RBMS3: variants seen among roughly 807,000 people sequenced by gnomAD.
RBMS3 encodes the protein RNA-binding motif, single-stranded-interacting protein 3.
Under a neutral mutation model 66.8 loss-of-function variants are expected in RBMS3, and 27 were observed. That is an observed-to-expected ratio of 0.40 (90% CI 0.30 to 0.56). The LOEUF is 0.56. RBMS3 is among the 20% of genes least tolerant of loss of function. The pLI is 0.40. For synonymous variants in RBMS3, 188 were observed against 183.0 expected (o/e 1.03, Z -0.22); for missense variants, 513 against 549.5 (o/e 0.93, Z 0.66).
At chr3:29,625,226 T>C (rs1344933153) in intron 4 of RBMS3, among the ~76,000 whole-genome samples, 1 of 152,202 alleles carries the variant, frequency 6.6e-6, no homozygotes, top group African/African-American at 2.4e-5. Context: ...GAAAATGGAC[T>C]AATACAATTG....
chr3:29,739,472 A>G (rs1232142996), intron 4 of RBMS3, among the ~76,000 whole-genome samples: 6 of 151,594 alleles, frequency 4.0e-5, no homozygotes, highest in East Asian at 1.9e-4. Flanking sequence ...AAAAAAAAAA[A>G]AAAAGAAAAG....
chr3:29,359,036 C>A (rs1374730693), intron 1 of RBMS3, among the ~76,000 whole-genome samples: 2 of 152,086 alleles, frequency 1.3e-5, no homozygotes, highest in East Asian at 1.9e-4. Context: ...AATGCCCTTT[C>A]TTTCTTTCTC....
intron 4 of RBMS3, among the ~76,000 whole-genome samples, chr3:29,716,150 G>A (rs191979791): frequency 6.6e-6 from 1 of 152,086 alleles, no homozygotes; most frequent in Non-Finnish European, 1.5e-5. Flanking sequence ...GTATAAATTT[G>A]TACAAATTTA....
chr3:29,511,133 T>G (rs1298287343), intron 3 of RBMS3, among the ~76,000 whole-genome samples: 2 of 151,132 alleles, frequency 1.3e-5, no homozygotes, highest in Non-Finnish European at 2.9e-5. Context: ...CTGCCTCTAC[T>G]AAAAATACAA....
At chr3:29,435,951 G>C (rs1466154370) in intron 2 of RBMS3, among the ~76,000 whole-genome samples, 1 of 141,450 alleles carries the variant, frequency 7.1e-6, no homozygotes, top group Non-Finnish European at 1.5e-5. Context: ...TCCAGCTTGG[G>C]CAACAGAGCG....
chr3:29,565,663 A>G (rs936385294), intron 3 of RBMS3, among the ~76,000 whole-genome samples: 5 of 152,180 alleles, frequency 3.3e-5, no homozygotes, highest in African/African-American at 1.2e-4. Flanking sequence ...TATAGCATAA[A>G]TCTCTAGTTC....
At chr3:29,896,086 T>A (rs2060118518) in intron 8 of RBMS3, among the ~76,000 whole-genome samples, 1 of 151,482 alleles carries the variant, frequency 6.6e-6, no homozygotes, top group African/African-American at 2.4e-5. Flanking sequence ...AAGAGTATGA[T>A]CTTATCAAAT....
At chr3:29,369,610 G>T (rs1559524454) in intron 1 of RBMS3, among the ~76,000 whole-genome samples, 2 of 151,812 alleles carry the variant, frequency 1.3e-5, no homozygotes, top group Admixed American at 1.3e-4. Context: ...TGAAGTTTCA[G>T]CTAGTCTTGG....
At chr3:29,922,457 G>T (rs1159027002) in intron 10 of RBMS3, among the ~76,000 whole-genome samples, 1 of 138,756 alleles carries the variant, frequency 7.2e-6, no homozygotes, top group Non-Finnish European at 1.5e-5. Context: ...ACTGCAGTCC[G>T]CAGTCCGGCC....
At chr3:29,879,298 A>C (rs1407626704) in intron 7 of RBMS3, among the ~76,000 whole-genome samples, 2 of 152,182 alleles carry the variant, frequency 1.3e-5, no homozygotes, top group Non-Finnish European at 2.9e-5. Flanking sequence ...ATTTTACTTC[A>C]GTAGCAGTAC....
chr3:29,617,940 A>ATG (rs1177700392), intron 4 of RBMS3, among the ~76,000 whole-genome samples: 1 of 152,084 alleles, frequency 6.6e-6, no homozygotes, highest in African/African-American at 2.4e-5. Context: ...GCGTGTATGT[A>ATG]TGTGTGTGTG....
At chr3:29,740,442 C>G (rs747554239) in intron 5 of RBMS3, among the ~76,000 whole-genome samples, 5 of 151,092 alleles carry the variant, frequency 3.3e-5, no homozygotes, top group Admixed American at 6.6e-5. Flanking sequence ...TTAGGCAGAA[C>G]AGGGGAAAAA....
chr3:29,794,170 C>G (rs1447184012), intron 6 of RBMS3, among the ~76,000 whole-genome samples: 1 of 152,152 alleles, frequency 6.6e-6, no homozygotes, highest in Non-Finnish European at 1.5e-5. Flanking sequence ...TCAGGTATTT[C>G]TTTACAGTAA....
At position 29,654,761 on chromosome 3, in the gene RBMS3, TGC is replaced by T. The variant is rs112705591; in HGVS notation, c.399+67558_399+67559del. Among the ~76,000 whole-genome samples, 616 of 143,638 alleles carry T rather than the reference TGC, an allele frequency of 4.3e-3. 5 individuals are homozygous for T. The highest frequency in any genetic ancestry group is 0.014 in the African/African-American group (552 of 38,442). The allele number at this position is 143,638 out of a possible 152,430, so 94.2% of individuals were successfully genotyped here. A position where few individuals can be genotyped will look rare whatever the true frequency, so the allele number is the denominator to read the frequency against. On this transcript the variant is annotated intron_variant, in intron 4 of 14. Coordinates refer to ENST00000383767, the MANE Select transcript of RBMS3 (RefSeq NM_001003793.3). ...CACATCACCATGCCCAGTTAATTTTTGCGTTTTTTTTTTTTTTGTAGAGACAG... is the reference window on the plus strand; with the variant it reads ...CACATCACCATGCCCAGTTAATTTTTGTTTTTTTTTTTTTTGTAGAGACAG...
intron 4 of RBMS3, among the ~76,000 whole-genome samples, chr3:29,705,902 A>G (rs2052867210): frequency 6.6e-6 from 1 of 152,220 alleles, no homozygotes; most frequent in East Asian, 1.9e-4. Flanking sequence ...AGGTTTGTTT[A>G]CTGCCTGAAA....
intron 6 of RBMS3, among the ~76,000 whole-genome samples, chr3:29,835,844 T>A (rs2149494065): frequency 6.6e-6 from 1 of 151,718 alleles, no homozygotes; most frequent in South Asian, 2.1e-4. Flanking sequence ...ATTACTTTTT[T>A]TTAAAAAAAG....
At chr3:29,435,676 C>T (rs1245775049) in intron 2 of RBMS3, among the ~76,000 whole-genome samples, 1 of 152,158 alleles carries the variant, frequency 6.6e-6, no homozygotes, top group South Asian at 2.1e-4. Context: ...CAGTGGCTCA[C>T]GCCTGTAGAT....
intron 3 of RBMS3, among the ~76,000 whole-genome samples, chr3:29,569,652 T>G (rs1413534247): frequency 1.3e-5 from 2 of 152,142 alleles, no homozygotes; most frequent in Non-Finnish European, 2.9e-5. Flanking sequence ...GTGTTTGAAT[T>G]TGATCTAACT....
At chr3:29,604,386 G>T (rs1485632717) in intron 4 of RBMS3, among the ~76,000 whole-genome samples, 1 of 151,744 alleles carries the variant, frequency 6.6e-6, no homozygotes, top group Non-Finnish European at 1.5e-5. Flanking sequence ...TTCTATCATA[G>T]TCCAACCTTA....
Sources: allele counts gnomAD v4.1 joint callset (sites outside exome capture counted in the v4.1 genomes callset), GRCh38; gene constraint gnomAD v4.1.1; transcripts MANE v1.5; gene names NCBI Gene and HGNC (gene_info 2026-07-23, HGNC 2026-07-21).